The following IDO2 variants were observed in gnomAD, a reference collection of about 807,000 sequenced individuals.
The protein encoded by IDO2 is indoleamine 2,3-dioxygenase-like 1 protein.
Under a neutral mutation model 45.1 loss-of-function variants are expected in IDO2, and 46 were observed. The ratio of observed to expected loss-of-function variants is 1.02; its 90% CI spans 0.80 to 1.30. The LOEUF is 1.30. Among genes scored for constraint, IDO2 ranks in the 50% most tolerant of loss-of-function variants. The probability of loss-of-function intolerance (pLI) is 0.00; values close to 1 mark genes in which losing one functional copy is unlikely to be tolerated. For missense variants in IDO2, 544 were observed against 491.8 expected, an observed-to-expected ratio of 1.11 and a Z score of -1.00; for synonymous variants, 218 against 184.9, an observed-to-expected ratio of 1.18 and a Z score of -1.45.
At chr8:40,008,533 C>T (rs960671911) in intron 9 of IDO2, among the ~76,000 whole-genome samples, 3 of 152,160 alleles carry the variant, frequency 2.0e-5, no homozygotes, top group Non-Finnish European at 2.9e-5. Flanking sequence ...GCAAAGTCCC[C>T]TTTGCCATAA....
intron 1 of IDO2, among the ~76,000 whole-genome samples, chr8:39,939,546 C>CAAAAAAAAAAAAAAAA (rs55892879): frequency 1.4e-5 from 1 of 71,268 alleles, no homozygotes; most frequent in Non-Finnish European, 2.4e-5. Flanking sequence ...GACTCTGTCT[C>CAAAAAAAAAAAAAAAA]AAAAAAAAAA....
intron 6 of IDO2, 108 bp from the exon 7 acceptor site, chr8:39,987,763 T>C: frequency 3.1e-6 from 2 of 652,666 alleles, no homozygotes; most frequent in South Asian, 3.8e-5. Context: ...GAGAAAGTTG[T>C]GCAGTGATTC....
intron 9 of IDO2, among the ~76,000 whole-genome samples, chr8:40,013,172 C>G (rs2955894): frequency 0.98 from 149,188 of 152,226 alleles, 73,174 homozygotes; most frequent in East Asian, 1. Context: ...AAAGTATCTG[C>G]TCATCAAGGT....
At chr8:40,003,368 CAAAAA>C (rs1172335332) in intron 8 of IDO2, among the ~76,000 whole-genome samples, 10,332 of 118,312 alleles carry the variant, frequency 0.087, 473 homozygotes, top group Middle Eastern at 0.18. Flanking sequence ...GACTCCATCT[CAAAAA>C]AAAAAAAAAA....
intron 2 of IDO2, among the ~76,000 whole-genome samples, chr8:39,963,215 C>T (rs1484788658): frequency 6.6e-6 from 1 of 152,192 alleles, no homozygotes; most frequent in African/African-American, 2.4e-5. Flanking sequence ...CACATTTATA[C>T]CCAGAAAAGT....
chr8:40,001,650 A>C, intron 8 of IDO2, among the ~76,000 whole-genome samples: 1 of 151,796 alleles, frequency 6.6e-6, no homozygotes, highest in Middle Eastern at 3.4e-3. Flanking sequence ...TATGTGTTGC[A>C]TTTTTTATGG....
At chr8:39,960,249 A>C (rs1807971352) in intron 2 of IDO2, among the ~76,000 whole-genome samples, 1 of 152,000 alleles carries the variant, frequency 6.6e-6, no homozygotes, top group Admixed American at 6.6e-5. Flanking sequence ...CCCCTATCTC[A>C]ACTCACACAA....
intron 3 of IDO2, among the ~76,000 whole-genome samples, chr8:39,978,371 G>A (rs1328576803): frequency 2.0e-5 from 3 of 152,338 alleles, no homozygotes; most frequent in South Asian, 4.1e-4. Flanking sequence ...GAGGGGACGC[G>A]CCTGGTAGCC....
intron 8 of IDO2, 41 bp downstream of exon 8, chr8:39,989,879 C>T: frequency 7.1e-7 from 1 of 1,399,564 alleles, no homozygotes; most frequent in South Asian, 1.3e-5. Context: ...CCCCAGGGGT[C>T]CTGGGCTCTG....
exon 11 of IDO2, chr8:40,015,890 C>A: frequency 2.7e-6 from 1 of 365,132 alleles, no homozygotes. Context: ...TTCTCTTTGC[C>A]AAGTAATAGA....
intron 2 of IDO2, among the ~76,000 whole-genome samples, chr8:39,962,606 G>A (rs1808016298): frequency 6.6e-6 from 1 of 152,164 alleles, no homozygotes. Context: ...AGTGAAGGGT[G>A]AGGATGACGG....
intron 1 of IDO2, among the ~76,000 whole-genome samples, chr8:39,938,650 C>G (rs977395404): frequency 1.3e-5 from 2 of 151,962 alleles, no homozygotes; most frequent in Admixed American, 1.3e-4. Context: ...AACAAAAAGA[C>G]AAGCCACAGA....
chr8:39,997,317 C>A (rs912316054), intron 8 of IDO2, among the ~76,000 whole-genome samples: 3 of 151,888 alleles, frequency 2.0e-5, no homozygotes, highest in African/African-American at 4.8e-5. Context: ...AGGAGTCTTA[C>A]GGAAGAATAA....
At chr8:39,984,809 T>C in intron 5 of IDO2, 2 of 345,616 alleles carry the variant, frequency 5.8e-6, no homozygotes, top group South Asian at 4.6e-5. Flanking sequence ...GTAAAAATCT[T>C]GGTGATGAGG....
At chr8:39,950,317 G>A (rs940447606) in intron 2 of IDO2, among the ~76,000 whole-genome samples, 1 of 152,146 alleles carries the variant, frequency 6.6e-6, no homozygotes, top group Non-Finnish European at 1.5e-5. Flanking sequence ...GATCACTTGA[G>A]GTTCAGGAGT....
intron 9 of IDO2, among the ~76,000 whole-genome samples, chr8:40,012,233 G>T (rs1426472474): frequency 2.6e-5 from 4 of 152,198 alleles, no homozygotes; most frequent in Non-Finnish European, 1.5e-5. Context: ...CATCAATGTG[G>T]ATCTGCTGTT....
intron 8 of IDO2, among the ~76,000 whole-genome samples, chr8:40,003,845 G>A (rs546828058): frequency 6.6e-6 from 1 of 152,194 alleles, no homozygotes; most frequent in East Asian, 1.9e-4. Context: ...TCACTGTTAA[G>A]TATAATATGC....
At chr8:39,982,866 T>G in intron 5 of IDO2, 96 bp downstream of exon 5, 1 of 785,388 alleles carries the variant, frequency 1.3e-6, no homozygotes, top group South Asian at 1.9e-5. Context: ...ATTTATGGTC[T>G]GCCGTATGGT....
intron 1 of IDO2, among the ~76,000 whole-genome samples, chr8:39,942,698 T>C (rs35995308): frequency 0.42 from 63,128 of 151,944 alleles, 13,295 homozygotes; most frequent in East Asian, 0.59. Context: ...CAAATCAGGA[T>C]TCTACTCCAA....
Sources: gnomAD v4.1 joint callset for allele counts (sites outside exome capture counted in the v4.1 genomes callset) on GRCh38, gnomAD v4.1.1 for gene constraint, MANE v1.5 for transcripts, NCBI Gene and HGNC (gene_info 2026-07-23, HGNC 2026-07-21) for gene names.